The following ADGRL3 variants were observed in gnomAD, a reference collection of about 807,000 sequenced individuals.
The protein encoded by ADGRL3 is adhesion G protein-coupled receptor L3, also known as calcium-independent alpha-latrotoxin receptor 3.
In ADGRL3, 62 loss-of-function variants were observed where a neutral mutation model predicts 153.5. The observed-to-expected ratio is 0.40, with a 90% CI of 0.33 to 0.50. The LOEUF (loss-of-function observed/expected upper bound fraction) is 0.50. Ranked by LOEUF, ADGRL3 falls within the 20% of genes least tolerant of loss-of-function variation. The pLI, the probability that ADGRL3 is intolerant of heterozygous loss-of-function variation, is 0.47. For synonymous variants in ADGRL3, 710 were observed against 672.5 expected (o/e 1.06, Z -0.86); for missense variants, 1,641 against 1,859.4 (o/e 0.88, Z 2.16).
chr4:61,320,358 C>A (rs973934050), intron 1 of ADGRL3, among the ~76,000 whole-genome samples: 2 of 152,154 alleles, frequency 1.3e-5, no homozygotes, highest in Non-Finnish European at 2.9e-5. Flanking sequence ...TTGTGTTAGT[C>A]AGAGTTCTTT....
chr4:62,039,725 C>T (rs1018336910), intron 24 of ADGRL3, among the ~76,000 whole-genome samples: 1 of 152,020 alleles, frequency 6.6e-6, no homozygotes, highest in African/African-American at 2.4e-5. Context: ...ATAATTAATG[C>T]CTTTATTTTC....
In ADGRL3 at chr4:61,302,985, C is replaced by G. The variant is rs980117107; in HGVS notation, c.-239-80139C>G. ...TTGGCTTCAAATATATTAGGACTTT[C>G]CAAAAAAATGAAATCCATTCACAAA... On this transcript the variant is annotated intron_variant, in intron 1 of 26. Transcript: ENST00000683033. Among the ~76,000 whole-genome samples the G allele has an allele frequency of 2.6e-5, 4 of 151,926 alleles. No homozygotes were observed. In the East Asian group the frequency reaches 7.7e-4, roughly 29 times the overall value.
intron 5 of ADGRL3, among the ~76,000 whole-genome samples, chr4:61,663,717 T>G (rs1580163209): frequency 6.6e-6 from 1 of 152,158 alleles, no homozygotes; most frequent in African/African-American, 2.4e-5. Flanking sequence ...AATAACAAAT[T>G]TTTTCCCTTT....
intron 2 of ADGRL3, among the ~76,000 whole-genome samples, chr4:61,490,749 T>A (rs1044560033): frequency 1.3e-5 from 2 of 151,830 alleles, no homozygotes; most frequent in African/African-American, 4.8e-5. Context: ...GCCTTGGTTT[T>A]CAGAAACTCT....
At chr4:61,986,360 CTCAT>C (rs2099085562) in intron 19 of ADGRL3, among the ~76,000 whole-genome samples, 2 of 152,200 alleles carry the variant, frequency 1.3e-5, no homozygotes, top group South Asian at 4.1e-4. Context: ...TACTACTGAA[CTCAT>C]TCAATTTGTT....
At chr4:61,556,973 T>C (rs1014733281) in intron 4 of ADGRL3, among the ~76,000 whole-genome samples, 4 of 152,168 alleles carry the variant, frequency 2.6e-5, no homozygotes, top group African/African-American at 7.2e-5. Context: ...AGCACAAGAA[T>C]GTCTGGGCCA....
chr4:61,537,194 A>G (rs1170266161), intron 4 of ADGRL3, among the ~76,000 whole-genome samples: 5 of 149,004 alleles, frequency 3.4e-5, no homozygotes, highest in African/African-American at 1.2e-4. Context: ...TAATTTAGGT[A>G]GTCTAAAAAG....
intron 4 of ADGRL3, among the ~76,000 whole-genome samples, chr4:61,548,068 T>C (rs1449811094): frequency 1.3e-5 from 2 of 152,128 alleles, no homozygotes; most frequent in Non-Finnish European, 2.9e-5. Context: ...GCTTGTTGGC[T>C]ACATGTATGT....
At chr4:61,859,841 AC>A (rs940770087) in intron 9 of ADGRL3, among the ~76,000 whole-genome samples, 1 of 152,094 alleles carries the variant, frequency 6.6e-6, no homozygotes, top group African/African-American at 2.4e-5. Context: ...CATCAGGAAA[AC>A]CAATTTTAAG....
At chr4:61,521,411 G>C (rs113092492) in intron 4 of ADGRL3, among the ~76,000 whole-genome samples, 3 of 152,094 alleles carry the variant, frequency 2.0e-5, no homozygotes, top group African/African-American at 7.2e-5. Context: ...AGAACACAAT[G>C]GTATAACACT....
At chr4:61,424,664 G>A (rs1307812156) in intron 2 of ADGRL3, among the ~76,000 whole-genome samples, 3 of 152,176 alleles carry the variant, frequency 2.0e-5, no homozygotes, top group Non-Finnish European at 4.4e-5. Flanking sequence ...ACCTTGGGCA[G>A]CTTACTATAT....
At chr4:61,586,169 T>C (rs1316295904) in intron 4 of ADGRL3, among the ~76,000 whole-genome samples, 2 of 152,060 alleles carry the variant, frequency 1.3e-5, no homozygotes, top group African/African-American at 4.8e-5. Context: ...ATTTGAAATC[T>C]ATTGATATTT....
chr4:61,207,030 A>T (rs1737592183), intron 1 of ADGRL3, among the ~76,000 whole-genome samples: 1 of 151,664 alleles, frequency 6.6e-6, no homozygotes. Context: ...AAAAACATGA[A>T]GTCACTTTAG....
At chr4:61,515,752 A>G (rs1374516185) in intron 3 of ADGRL3, among the ~76,000 whole-genome samples, 1 of 152,200 alleles carries the variant, frequency 6.6e-6, no homozygotes, top group Admixed American at 6.5e-5. Flanking sequence ...TAACAAAGAT[A>G]TTAGAGAAAA....
chr4:61,416,671 A>T (rs1472274896), intron 2 of ADGRL3, among the ~76,000 whole-genome samples: 1 of 152,148 alleles, frequency 6.6e-6, no homozygotes, highest in Non-Finnish European at 1.5e-5. Context: ...TTTAAAAAAG[A>T]ATTGGTATAT....
At chr4:61,442,337 A>G (rs948121336) in intron 2 of ADGRL3, among the ~76,000 whole-genome samples, 11 of 152,338 alleles carry the variant, frequency 7.2e-5, no homozygotes, top group African/African-American at 1.7e-4. Flanking sequence ...AGTGCAGCCA[A>G]TGTGGCTAGA....
At chr4:61,390,346 C>T (rs957866872) in intron 2 of ADGRL3, among the ~76,000 whole-genome samples, 11 of 152,074 alleles carry the variant, frequency 7.2e-5, no homozygotes, top group Admixed American at 2.0e-4. Flanking sequence ...GTCTAATCCA[C>T]GGCATTGAAA....
At chr4:61,833,277 G>A (rs764086145) in intron 9 of ADGRL3, among the ~76,000 whole-genome samples, 3 of 152,108 alleles carry the variant, frequency 2.0e-5, no homozygotes, top group Admixed American at 6.6e-5. Context: ...ATGTGTAAAG[G>A]TGAACATGTA....
intron 5 of ADGRL3, among the ~76,000 whole-genome samples, chr4:61,611,389 C>T (rs1301228600): frequency 6.6e-6 from 1 of 152,152 alleles, no homozygotes; most frequent in Admixed American, 6.5e-5. Context: ...CCACTTCTCA[C>T]ATGCAGAAAT....
Sources: allele counts gnomAD v4.1 joint callset (sites outside exome capture counted in the v4.1 genomes callset), GRCh38; gene constraint gnomAD v4.1.1; transcripts MANE v1.5; gene names NCBI Gene and HGNC (gene_info 2026-07-23, HGNC 2026-07-21).